FRMD4A: variants seen among roughly 807,000 people sequenced by gnomAD.
The protein encoded by FRMD4A is FERM domain-containing protein 4A.
In FRMD4A, 29 loss-of-function variants were observed where a neutral mutation model predicts 129.1. The observed-to-expected ratio is 0.22, with a 90% confidence interval of 0.17 to 0.31. The LOEUF (loss-of-function observed/expected upper bound fraction) is 0.31. FRMD4A is among the 10% of genes least tolerant of loss of function. FRMD4A has a pLI of 1.00. For synonymous variants in FRMD4A, 634 were observed against 571.6 expected (o/e 1.11, Z -1.56); for missense variants, 1,272 against 1,375.8 (o/e 0.92, Z 1.19).
chr10:14,082,471 C>T (rs543807860), intron 2 of FRMD4A, among the ~76,000 whole-genome samples: 1 of 152,206 alleles, frequency 6.6e-6, no homozygotes, highest in African/African-American at 2.4e-5. Flanking sequence ...GAGGGGTAGA[C>T]ATTGAGGATC....
At chr10:14,098,660 G>A (rs956867336) in intron 2 of FRMD4A, among the ~76,000 whole-genome samples, 4 of 151,924 alleles carry the variant, frequency 2.6e-5, no homozygotes, top group Non-Finnish European at 2.9e-5. Flanking sequence ...CGCCCGCCTC[G>A]ACCTCCCAAA....
Position 13,789,769 on chromosome 10 carries a change from A to ATGTGTGTGTGTGTGTGTG in FRMD4A, c.299+6709_299+6726dup, listed in dbSNP as rs57602565. Among the ~76,000 whole-genome samples, 1,190 of 130,142 alleles carry ATGTGTGTGTGTGTGTGTG rather than the reference A, an allele frequency of 9.1e-3. 29 individuals are homozygous for ATGTGTGTGTGTGTGTGTG. Among genetic ancestry groups the ATGTGTGTGTGTGTGTGTG allele is most frequent in the African/African-American group, 0.03 (992 of 32,888 alleles). 85.4% of individuals were successfully genotyped at this position (130,142 alleles called of 152,430 possible). On this transcript the variant is annotated intron_variant, in intron 5 of 24. Transcript: ENST00000357447. Reference sequence around the variant, plus strand: ...TATTGACCGCTGCTGGCTGCTTATAATGTGTGTGTGTGTGTGTGTGTGTGT... The same window carrying ATGTGTGTGTGTGTGTGTG: ...TATTGACCGCTGCTGGCTGCTTATAATGTGTGTGTGTGTGTGTGTGTGTGTGTGTGTGTGTGTGTGTGT...
Position 13,768,154 on chromosome 10 carries a change from C to T in FRMD4A, c.385-5474G>A, listed in dbSNP as rs576149967. The stretch of plus-strand genomic sequence containing the variant: ...AGGGCTGCCCCACTTCCTCCCACGC[C>T]GTGTTGTTTTATCCCAGGTGACTGA... On this transcript the variant is annotated intron_variant, in intron 6 of 24. Coordinates refer to ENST00000357447, the MANE Select transcript of FRMD4A (RefSeq NM_018027.5). 1.9e-4 allele frequency among the ~76,000 whole-genome samples: 29 copies of T among 152,068 alleles called. No homozygotes were observed. In the South Asian group the frequency reaches 2.1e-3, roughly 11 times the overall value.
chr10:14,328,373 G>T lies in FRMD4A; in HGVS notation c.45+1685C>A, dbSNP rs867129767. On this transcript the variant is annotated intron_variant, in intron 2 of 24. Coordinates refer to ENST00000357447, the MANE Select transcript of FRMD4A (RefSeq NM_018027.5). ...GAGCCTGTGTGTGTGTGTGGGTGGG[G>T]GGGGGGGGTGTATAACAGCAGAAAT... Among the ~76,000 whole-genome samples, 182 of 122,060 alleles carry T rather than the reference G, an allele frequency of 1.5e-3. 6 individuals carry two copies. In the South Asian group the frequency reaches 0.018, roughly 12 times the overall value. 80.1% of individuals were successfully genotyped at this position (122,060 alleles called of 152,430 possible). A position where few individuals can be genotyped will look rare whatever the true frequency, so the allele number is the denominator to read the frequency against.
intron 2 of FRMD4A, among the ~76,000 whole-genome samples, chr10:13,905,792 A>G (rs1455917291): frequency 6.6e-6 from 1 of 152,236 alleles, no homozygotes; most frequent in African/African-American, 2.4e-5. Flanking sequence ...AGACCTCCAA[A>G]GTGCATTCCG....
intron 2 of FRMD4A, among the ~76,000 whole-genome samples, chr10:14,062,652 C>A (rs1834868475): frequency 3.9e-5 from 6 of 152,220 alleles, no homozygotes. Flanking sequence ...TGGATGCCTT[C>A]AGCTGCAAGT....
At chr10:14,236,764 C>G (rs1159571807) in intron 2 of FRMD4A, among the ~76,000 whole-genome samples, 1 of 152,128 alleles carries the variant, frequency 6.6e-6, no homozygotes, top group Non-Finnish European at 1.5e-5. Flanking sequence ...GATTAACAAA[C>G]AAATAATCCA....
intron 2 of FRMD4A, among the ~76,000 whole-genome samples, chr10:14,003,833 C>T (rs942703810): frequency 2.6e-5 from 4 of 152,234 alleles, no homozygotes; most frequent in Non-Finnish European, 4.4e-5. Flanking sequence ...CCTCGTATTG[C>T]AAAGTTATAG....
intron 2 of FRMD4A, among the ~76,000 whole-genome samples, chr10:13,876,741 T>C (rs1177089653): frequency 1.3e-5 from 2 of 152,060 alleles, no homozygotes; most frequent in Non-Finnish European, 2.9e-5. Context: ...ACTAAAACAA[T>C]AATACGTGTG....
chr10:13,957,269 G>C (rs1039591614), intron 2 of FRMD4A, among the ~76,000 whole-genome samples: 1 of 151,648 alleles, frequency 6.6e-6, no homozygotes, highest in African/African-American at 2.4e-5. Flanking sequence ...TTTGTTTTTT[G>C]TGAGACAGAG....
At chr10:14,114,055 A>G (rs1009647981) in intron 2 of FRMD4A, among the ~76,000 whole-genome samples, 1 of 152,178 alleles carries the variant, frequency 6.6e-6, no homozygotes, top group African/African-American at 2.4e-5. Flanking sequence ...AGGCTCAAGC[A>G]CACGTACTTG....
intron 3 of FRMD4A, among the ~76,000 whole-genome samples, chr10:13,854,586 A>ATTTTTTTTT (rs34618985): frequency 1.5e-5 from 2 of 130,532 alleles, no homozygotes; most frequent in African/African-American, 2.8e-5. Context: ...ACACCGAGCT[A>ATTTTTTTTT]TTTTTTTTTT....
intron 2 of FRMD4A, among the ~76,000 whole-genome samples, chr10:14,178,579 G>A (rs1268992886): frequency 2.0e-5 from 3 of 152,098 alleles, no homozygotes; most frequent in Non-Finnish European, 2.9e-5. Context: ...AGGGTGGTGG[G>A]GATTAGAAAA....
Position 14,055,689 on chromosome 10 carries a change from A to G in FRMD4A, c.46-196777T>C, listed in dbSNP as rs117522318. Among the ~76,000 whole-genome samples the G allele has an allele frequency of 1.8e-3, 277 of 152,316 alleles. 8 individuals carry two copies. In the East Asian group the frequency reaches 0.039, roughly 22 times the overall value. ...TTTTATGTAATTGAAAATTGTTTCA[A>G]CTTTTTATTTTCGTGGGTCCATAGT... On this transcript the variant is annotated intron_variant, in intron 2 of 24. Transcript: ENST00000357447.
At chr10:14,160,359 A>G (rs1291690222) in intron 2 of FRMD4A, among the ~76,000 whole-genome samples, 1 of 152,198 alleles carries the variant, frequency 6.6e-6, no homozygotes, top group Non-Finnish European at 1.5e-5. Context: ...CAGGGGAAAC[A>G]ATTCAGGACA....
Position 14,265,696 on chromosome 10 carries a change from G to T in FRMD4A, c.45+64362C>A, listed in dbSNP as rs369977143. 2.0e-5 allele frequency among the ~76,000 whole-genome samples: 3 copies of T among 152,326 alleles called. No individual in the cohort carries two copies. In the South Asian group the frequency reaches 6.2e-4, roughly 32 times the overall value. On this transcript the variant is annotated intron_variant, in intron 2 of 24. Transcript: ENST00000357447. ...ATCAACATGAGAAGGATAGAGGAATGGTTCTAGGTCATAGGATGCAGCTAT... is the reference window on the plus strand; with the variant it reads ...ATCAACATGAGAAGGATAGAGGAATTGTTCTAGGTCATAGGATGCAGCTAT...
intron 12 of FRMD4A, among the ~76,000 whole-genome samples, chr10:13,714,884 A>G (rs2088623321): frequency 6.6e-6 from 1 of 151,594 alleles, no homozygotes; most frequent in African/African-American, 2.4e-5. Flanking sequence ...CTAAAAATAC[A>G]AAAAATTAGC....
intron 2 of FRMD4A, among the ~76,000 whole-genome samples, chr10:14,304,123 C>T (rs1423269145): frequency 1.3e-5 from 2 of 152,212 alleles, no homozygotes; most frequent in East Asian, 3.8e-4. Context: ...CAACATCCTG[C>T]TTTCAATTCT....
intron 2 of FRMD4A, among the ~76,000 whole-genome samples, chr10:14,037,513 C>T (rs1975887): frequency 0.63 from 96,109 of 152,142 alleles, 33,180 homozygotes; most frequent in East Asian, 0.8. Context: ...CCACCTAGCC[C>T]GGAACATTTC....
Sources: gnomAD v4.1 joint callset for allele counts (sites outside exome capture counted in the v4.1 genomes callset) on GRCh38, gnomAD v4.1.1 for gene constraint, MANE v1.5 for transcripts, NCBI Gene and HGNC (gene_info 2026-07-23, HGNC 2026-07-21) for gene names.